The following USP16 variants were observed in gnomAD, a reference collection of about 807,000 sequenced individuals.
USP16 encodes the protein ubiquitin carboxyl-terminal hydrolase 16.
A neutral mutation model predicts 95.9 loss-of-function variants in USP16; 77 were observed. That is an observed-to-expected ratio of 0.80 (90% CI 0.67 to 0.97). The LOEUF (loss-of-function observed/expected upper bound fraction) is 0.97, where lower values mean the gene tolerates loss of function less well. USP16 is among the 50% of genes least tolerant of loss of function. The pLI, the probability that USP16 is intolerant of heterozygous loss-of-function variation, is 0.00. For synonymous variants in USP16, 303 were observed against 318.2 expected, an observed-to-expected ratio of 0.95 and a Z score of 0.51; for missense variants, 943 against 959.9, an observed-to-expected ratio of 0.98 and a Z score of 0.23.
intron 10 of USP16, among the ~76,000 whole-genome samples, chr21:29,041,751 C>T (rs1239294446): frequency 6.6e-6 from 1 of 152,062 alleles, no homozygotes; most frequent in Admixed American, 6.5e-5. Flanking sequence ...AGTTTACTTC[C>T]CACTGACTAG....
chr21:29,047,098 T>C lies in USP16; in HGVS notation c.1788T>C (p.Asn596=). The C allele has an allele frequency of 2.5e-6, 4 of 1,614,060 alleles. No homozygotes were observed. Among genetic ancestry groups the C allele is most frequent in the African/African-American group, 1.3e-5 (1 of 75,052 alleles). Residue 596 remains asparagine, a synonymous_variant, in exon 14 of 18, where the codon AAT becomes AAC. Transcript: ENST00000399976. ...HPDEINIEIL[N]DSHTPGTKVY... is the part of the protein sequence containing the mutation. ...ATGAAATAAATATAGAGATTCTGAATGATAGTCATACTCCTGGAACAAAGG... is the reference window on the plus strand; with the variant it reads ...ATGAAATAAATATAGAGATTCTGAACGATAGTCATACTCCTGGAACAAAGG...
chr21:29,038,302 A>C, intron 6 of USP16, 33 bp from the exon 7 acceptor site: 2 of 1,486,788 alleles, frequency 1.3e-6, no homozygotes, highest in Non-Finnish European at 1.9e-6. Context: ...CCTTTAAATA[A>C]TTTTTCTCTT....
chr21:29,042,851 TAA>T (rs2085265519), intron 12 of USP16: 2 of 200,132 alleles, frequency 1.0e-5, no homozygotes, highest in African/African-American at 4.7e-5. Flanking sequence ...CTTGCACACC[TAA>T]GTTCATAAAT....
intron 2 of USP16, 147 bp downstream of exon 2, chr21:29,028,121 T>TA: frequency 3.3e-6 from 2 of 597,348 alleles, no homozygotes; most frequent in Non-Finnish European, 2.7e-6. Context: ...AATAGTCTTC[T>TA]ACTTTTTTTT....
At chr21:29,033,792 G>A (rs998719042) in intron 3 of USP16, among the ~76,000 whole-genome samples, 2 of 152,178 alleles carry the variant, frequency 1.3e-5, no homozygotes, top group Admixed American at 6.5e-5. Flanking sequence ...TTCATGCCAT[G>A]TTTTATAGAA....
rs144317157 is a variant in USP16, at chr21:29,051,704, G to A, written c.2193+1526G>A. On this transcript the variant is annotated intron_variant, in intron 16 of 17. Transcript: ENST00000399976. ...AAATTAGCCAGGCATGGTGGTGTGC[G>A]CCTGTAATCCCAGCTACTCGGGAGG... Among the ~76,000 whole-genome samples the A allele has an allele frequency of 7.2e-3, 1,096 of 152,202 alleles. 12 individuals are homozygous for A. The highest frequency in any genetic ancestry group is 0.025 in the African/African-American group (1,036 of 41,516).
At chr21:29,028,609 T>C (rs1032841001) in intron 2 of USP16, among the ~76,000 whole-genome samples, 3 of 151,964 alleles carry the variant, frequency 2.0e-5, no homozygotes, top group African/African-American at 7.3e-5. Flanking sequence ...CTAATTTTTG[T>C]ATTTTTAGTA....
At chr21:29,029,274 G>A (rs1052067420) in intron 2 of USP16, among the ~76,000 whole-genome samples, 22 of 152,270 alleles carry the variant, frequency 1.4e-4, no homozygotes, top group Non-Finnish European at 2.5e-4. Flanking sequence ...TTAGCTGGGC[G>A]TGGTGGCGGG....
At chr21:29,052,836 T>C (rs1027320826) in intron 16 of USP16, 2 of 152,140 alleles carry the variant, frequency 1.3e-5, no homozygotes, top group African/African-American at 4.8e-5. Context: ...AAAAAATTAA[T>C]TTAGCAGGTC....
In USP16 at chr21:29,038,417, A is replaced by T. The variant is rs143181337; in HGVS notation, c.719A>T (p.Asp240Val). Residue 240 changes from aspartate to valine, a missense_variant, in exon 7 of 18, where the codon GAT becomes GTT. Coordinates refer to ENST00000399976, the MANE Select transcript of USP16 (RefSeq NM_006447.3). ...ACAATTGTAAAAATTGAACCACCTG[A>T]TTTGGCATTAACAGTATGTTCTTTA... ...SGTIVKIEPP[D>V]LALTEPLEIN... 117 of 1,611,766 alleles carry T rather than the reference A, an allele frequency of 7.3e-5. 1 individual carries two copies. In the African/African-American group the frequency reaches 1.4e-3, roughly 19 times the overall value.
At chr21:29,051,416 G>A (rs1020883922) in intron 16 of USP16, among the ~76,000 whole-genome samples, 1 of 152,204 alleles carries the variant, frequency 6.6e-6, no homozygotes, top group Non-Finnish European at 1.5e-5. Flanking sequence ...GATCCCTTGT[G>A]TATAGAGTCT....
chr21:29,038,918 G>A lies in USP16; in HGVS notation c.733-108G>A. Reference sequence around the variant, plus strand: ...ATGTACATTTTAAACTTTTAAATGGGGCAGTTCTGTCAGGAACATTGGTAG... The same window carrying A: ...ATGTACATTTTAAACTTTTAAATGGAGCAGTTCTGTCAGGAACATTGGTAG... On this transcript the variant is annotated intron_variant, in intron 7 of 17. Transcript: ENST00000399976. The A allele has an allele frequency of 5.2e-6, 6 of 1,145,700 alleles. No homozygotes were observed. In the South Asian group the frequency reaches 1.6e-4, roughly 31 times the overall value. The allele number at this position is 1,145,700 out of a possible 1,614,324, so 71.0% of individuals were successfully genotyped here.
chr21:29,024,738 G>A lies in USP16; in HGVS notation c.-81G>A, dbSNP rs979830967. Reference sequence around the variant, plus strand: ...GACGGAGCTGGCTGCCCAGCCCAAAGGCCCATGAGGGGATGCAGTTATGGG... The same window carrying A: ...GACGGAGCTGGCTGCCCAGCCCAAAAGCCCATGAGGGGATGCAGTTATGGG... On this transcript the variant is annotated 5_prime_UTR_variant, in exon 1 of 18. Transcript: ENST00000399976. The A allele has an allele frequency of 6.2e-6, 8 of 1,289,250 alleles. No individual in the cohort carries two copies. In the African/African-American group the frequency reaches 1.1e-4, roughly 17 times the overall value. The allele number at this position is 1,289,250 out of a possible 1,614,324, so 79.9% of individuals were successfully genotyped here.
chr21:29,041,085 C>T (rs916005755), intron 10 of USP16, among the ~76,000 whole-genome samples: 1 of 152,156 alleles, frequency 6.6e-6, no homozygotes, highest in Non-Finnish European at 1.5e-5. Context: ...TGGAACTCCT[C>T]TATACCTTTG....
At position 29,036,441 on chromosome 21, in the gene USP16, G is replaced by T. The variant is rs912287706; in HGVS notation, c.448+67G>T. The T allele has an allele frequency of 1.6e-5, 22 of 1,408,050 alleles. No individual in the cohort carries two copies. In the African/African-American group the frequency reaches 3.0e-4, roughly 19 times the overall value. 87.2% of individuals were successfully genotyped at this position (1,408,050 alleles called of 1,614,324 possible). A position where few individuals can be genotyped will look rare whatever the true frequency, so the allele number is the denominator to read the frequency against. On this transcript the variant is annotated intron_variant, in intron 5 of 17. Coordinates refer to ENST00000399976, the MANE Select transcript of USP16 (RefSeq NM_006447.3). ...TGTGTATCTGCTGATACTTAGATTT[G>T]TTATACTACCTAGCATTACATACAG...
chr21:29,024,941 T>C (rs552345872), intron 1 of USP16, 164 bp downstream of exon 1: 1 of 722,112 alleles, frequency 1.4e-6, no homozygotes, highest in East Asian at 7.7e-5. Flanking sequence ...CTGCATGTTC[T>C]GTCAGTTCCA....
chr21:29,039,240 A>G (rs889793321), intron 8 of USP16, 84 bp downstream of exon 8: 37 of 1,220,716 alleles, frequency 3.0e-5, no homozygotes, highest in Non-Finnish European at 3.7e-5. Context: ...AAATATAAAA[A>G]TATTAATAGC....
chr21:29,027,785 A>C, intron 1 of USP16, 88 bp from the exon 2 acceptor site: 1 of 848,160 alleles, frequency 1.2e-6, no homozygotes, highest in Non-Finnish European at 2.0e-6. Flanking sequence ...CATGCATAAT[A>C]TACGTGGCTT....
chr21:29,026,314 G>C (rs1353341873), intron 1 of USP16, among the ~76,000 whole-genome samples: 1 of 151,978 alleles, frequency 6.6e-6, no homozygotes. Context: ...AAATTAGCCG[G>C]GTGTGGTGGT....
Sources: allele counts gnomAD v4.1 joint callset (sites outside exome capture counted in the v4.1 genomes callset), GRCh38; gene constraint gnomAD v4.1.1; transcripts MANE v1.5; gene names NCBI Gene and HGNC (gene_info 2026-07-23, HGNC 2026-07-21).